The following MPHOSPH8 variants were observed in gnomAD, a reference collection of about 807,000 sequenced individuals.
MPHOSPH8 encodes the protein M-phase phosphoprotein 8, also known as M-phase phosphoprotein, mpp.
Under a neutral mutation model 87.3 loss-of-function variants are expected in MPHOSPH8, and 45 were observed. That is an observed-to-expected ratio of 0.52 (90% confidence interval 0.41 to 0.66). The LOEUF (loss-of-function observed/expected upper bound fraction) is 0.66. Ranked by LOEUF, MPHOSPH8 falls within the 30% of genes least tolerant of loss-of-function variation. The probability of loss-of-function intolerance (pLI) is 0.00; values close to 1 mark genes in which losing one functional copy is unlikely to be tolerated. For synonymous variants in MPHOSPH8, 366 were observed against 376.9 expected (o/e 0.97, Z 0.33); for missense variants, 883 against 1,020.2 (o/e 0.87, Z 1.83).
chr13:19,670,942 C>T lies in MPHOSPH8; in HGVS notation c.2458-264C>T, dbSNP rs1352200380. On this transcript the variant is annotated intron_variant, in intron 12 of 13. Transcript: ENST00000361479. ...ACAAGCAATCCTCCCACCTCAGCCT[C>T]CTAACTACCTGGGACTAAAAATGCA... The T allele has an allele frequency of 4.1e-6, 4 of 986,306 alleles. No homozygotes were observed. The African/African-American group carries it at 6.6e-5, about 16-fold the overall frequency. 61.1% of individuals were successfully genotyped at this position (986,306 alleles called of 1,614,324 possible). A position where few individuals can be genotyped will look rare whatever the true frequency, so the allele number is the denominator to read the frequency against.
intron 1 of MPHOSPH8, among the ~76,000 whole-genome samples, chr13:19,634,343 AAACCGTAACCAACT>A (rs1220195445): frequency 6.6e-6 from 1 of 152,146 alleles, no homozygotes; most frequent in Non-Finnish European, 1.5e-5. Flanking sequence ...GTGTTTTCCA[AAACCGTAACCAACT>A]CCCTGGTTTA....
chr13:19,665,357 G>A (rs908753480), intron 9 of MPHOSPH8, among the ~76,000 whole-genome samples: 17 of 152,326 alleles, frequency 1.1e-4, no homozygotes, highest in Middle Eastern at 6.8e-3. Flanking sequence ...TTTATCTGAG[G>A]AGAAAGTGTG....
At position 19,647,078 on chromosome 13, in the gene MPHOSPH8, G is replaced by T; in HGVS notation, c.1005G>T (p.Pro335=). 6.2e-7 allele frequency: 1 copy of T among 1,607,840 alleles called. No homozygotes were observed. Among genetic ancestry groups the T allele is most frequent in the Non-Finnish European group, 8.5e-7 (1 of 1,178,548 alleles). Residue 335 remains proline (P), a synonymous_variant, in exon 3 of 14, where the codon CCG becomes CCT. Transcript: ENST00000361479. ...DVRGRRKKKT[P]RKAEDTRENR... Reference sequence around the variant, plus strand: ...GAGGCAGGAGGAAAAAGAAGACCCCGAGAAAGGCTGAGGACACTAGAGAGA... The same window carrying T: ...GAGGCAGGAGGAAAAAGAAGACCCCTAGAAAGGCTGAGGACACTAGAGAGA...
intron 9 of MPHOSPH8, among the ~76,000 whole-genome samples, chr13:19,664,709 C>T: frequency 6.6e-6 from 1 of 152,050 alleles, no homozygotes; most frequent in Admixed American, 6.6e-5. Flanking sequence ...GACGCCTGGG[C>T]ATCCCATTTC....
At chr13:19,646,074 C>G (rs1321121375) in intron 2 of MPHOSPH8, among the ~76,000 whole-genome samples, 1 of 151,846 alleles carries the variant, frequency 6.6e-6, no homozygotes, top group African/African-American at 2.4e-5. Context: ...GCATTGGTAA[C>G]TACTTTGTTG....
intron 7 of MPHOSPH8, among the ~76,000 whole-genome samples, chr13:19,659,841 TAG>T (rs1235714411): frequency 6.6e-6 from 1 of 152,030 alleles, no homozygotes; most frequent in Non-Finnish European, 1.5e-5. Flanking sequence ...CTTGAGAGCG[TAG>T]AGTGAGACCA....
At chr13:19,655,524 T>C (rs1429301732) in intron 5 of MPHOSPH8, among the ~76,000 whole-genome samples, 7 of 152,134 alleles carry the variant, frequency 4.6e-5, no homozygotes, top group Admixed American at 3.9e-4. Flanking sequence ...GCATGAGTTA[T>C]AATGGTGTAA....
chr13:19,649,634 G>C lies in MPHOSPH8; in HGVS notation c.1319-369G>C, dbSNP rs867523187. Among the ~76,000 whole-genome samples the C allele has an allele frequency of 2.0e-5, 3 of 152,302 alleles. No individual in the cohort carries two copies. In the Middle Eastern group the frequency reaches 0.01, roughly 518 times the overall value. ...GCCACCAGAAGCCATTTTGGTACAA[G>C]CTTCAACATCCAGCTATAGACAGTC... On this transcript the variant is annotated intron_variant, in intron 4 of 13. Coordinates refer to ENST00000361479, the MANE Select transcript of MPHOSPH8 (RefSeq NM_017520.4).
intron 5 of MPHOSPH8, among the ~76,000 whole-genome samples, chr13:19,657,561 C>T (rs1271895503): frequency 6.6e-6 from 1 of 151,038 alleles, no homozygotes; most frequent in Non-Finnish European, 1.5e-5. Context: ...AGCAAGACTC[C>T]GTCTCAAAAA....
intron 5 of MPHOSPH8, among the ~76,000 whole-genome samples, chr13:19,656,487 C>A (rs1437309866): frequency 6.6e-6 from 1 of 152,112 alleles, no homozygotes; most frequent in Non-Finnish European, 1.5e-5. Flanking sequence ...AGGCCGGGCG[C>A]GGTGGCTCAC....
intron 1 of MPHOSPH8, among the ~76,000 whole-genome samples, chr13:19,641,801 T>G (rs1055213736): frequency 6.6e-6 from 1 of 151,960 alleles, no homozygotes; most frequent in Non-Finnish European, 1.5e-5. Context: ...TGGCCCATAA[T>G]TTTTGTATTT....
At chr13:19,653,082 A>G (rs1874949610) in intron 5 of MPHOSPH8, among the ~76,000 whole-genome samples, 1 of 152,170 alleles carries the variant, frequency 6.6e-6, no homozygotes, top group Middle Eastern at 3.2e-3. Flanking sequence ...GAGCTCTGCT[A>G]AGGGTCAGAC....
chr13:19,650,536 C>T (rs1874788338), intron 5 of MPHOSPH8: 1 of 300,354 alleles, frequency 3.3e-6, no homozygotes, highest in African/African-American at 2.2e-5. Flanking sequence ...ACCTGGCAGC[C>T]CCATTTTATA....
Position 19,659,302 on chromosome 13 carries a change from T to A in MPHOSPH8, c.1791+13T>A. The A allele has an allele frequency of 6.4e-7, 1 of 1,561,398 alleles. No individual in the cohort carries two copies. The highest frequency in any genetic ancestry group is 8.7e-7 in the Non-Finnish European group (1 of 1,147,202). ...CCTGGACCAAGAGGTAATATGTCGT[T>A]GAAAAATCTCATGAAAGGAAAATGG... is the stretch of plus-strand genomic sequence containing the variant. On this transcript the variant is annotated intron_variant, in intron 7 of 13. Coordinates refer to ENST00000361479, the MANE Select transcript of MPHOSPH8 (RefSeq NM_017520.4).
At position 19,663,104 on chromosome 13, in the gene MPHOSPH8, A is replaced by G. The variant is rs749962240; in HGVS notation, c.1997A>G (p.Asn666Ser). 3.1e-6 allele frequency: 5 copies of G among 1,613,798 alleles called. No homozygotes were observed. Among genetic ancestry groups the G allele is most frequent in the Admixed American group, 1.7e-5 (1 of 60,026 alleles). ...AGAFVNVQQS[N>S]GETALMKACK... is the part of the protein sequence containing the mutation. ...GCTTTTGTAAATGTCCAGCAAAGCA[A>G]TGGTGAGACTGCACTGATGAAGGTA... is the stretch of plus-strand genomic sequence containing the variant. The change falls in exon 9 of 14, where the codon AAT (asparagine) becomes AGT (serine). Residue 666 changes from asparagine (N) to serine (S), a missense_variant. By Grantham distance (46) the Asn-to-Ser change is conservative. Transcript: ENST00000361479.
chr13:19,670,473 G>T, intron 12 of MPHOSPH8, 110 bp downstream of exon 12: 1 of 1,237,852 alleles, frequency 8.1e-7, no homozygotes, highest in South Asian at 1.5e-5. Context: ...TTCAGAAAAC[G>T]ATCCAGTAAT....
chr13:19,652,782 C>G (rs1329227697), intron 5 of MPHOSPH8, among the ~76,000 whole-genome samples: 1 of 152,058 alleles, frequency 6.6e-6, no homozygotes, highest in Non-Finnish European at 1.5e-5. Context: ...TCGAGTAGGT[C>G]GTTTTACCCT....
intron 1 of MPHOSPH8, among the ~76,000 whole-genome samples, chr13:19,634,482 G>T (rs960782536): frequency 6.6e-6 from 1 of 152,158 alleles, no homozygotes; most frequent in Non-Finnish European, 1.5e-5. Context: ...CCTATGCGTT[G>T]TATAGCTCGC....
intron 1 of MPHOSPH8, among the ~76,000 whole-genome samples, chr13:19,640,063 G>A (rs559693905): frequency 1.6e-4 from 24 of 151,756 alleles, no homozygotes; most frequent in Non-Finnish European, 3.1e-4. Context: ...CCAAGATCGC[G>A]CCACTACTCT....
Sources: gnomAD v4.1 joint callset for allele counts (sites outside exome capture counted in the v4.1 genomes callset) on GRCh38, gnomAD v4.1.1 for gene constraint, MANE v1.5 for transcripts, NCBI Gene and HGNC (gene_info 2026-07-23, HGNC 2026-07-21) for gene names.